The following ZNF831 variants were observed in gnomAD, a reference collection of about 807,000 sequenced individuals.
ZNF831 encodes the protein chromosome 20 open reading frame 174.
Under a neutral mutation model 95.8 loss-of-function variants are expected in ZNF831, and 59 were observed. That is an observed-to-expected ratio of 0.62 (90% CI 0.50 to 0.77). The LOEUF is 0.77. Among genes scored for constraint, ZNF831 ranks in the 30% least tolerant of loss-of-function variants. ZNF831 has a pLI of 0.00. For missense variants in ZNF831, 2,205 were observed against 2,164.0 expected, an observed-to-expected ratio of 1.02 and a Z score of -0.38; for synonymous variants, 961 against 925.5, an observed-to-expected ratio of 1.04 and a Z score of -0.70.
intron 3 of ZNF831, among the ~76,000 whole-genome samples, chr20:59,206,540 T>C (rs1054283583): frequency 6.6e-6 from 1 of 152,236 alleles, no homozygotes; most frequent in Non-Finnish European, 1.5e-5. Context: ...TCAATGCAGA[T>C]TACAGAACAT....
At chr20:59,207,111 A>C in intron 4 of ZNF831, 55 bp downstream of exon 4, 1 of 1,586,570 alleles carries the variant, frequency 6.3e-7, no homozygotes. Context: ...CACCCGCCCA[A>C]GGCATAGACA....
At chr20:59,228,923 AT>A (rs1306486921) in intron 4 of ZNF831, among the ~76,000 whole-genome samples, 1 of 152,102 alleles carries the variant, frequency 6.6e-6, no homozygotes, top group Non-Finnish European at 1.5e-5. Flanking sequence ...TTCTGACTAT[AT>A]TTTTTGTACG....
intron 2 of ZNF831, among the ~76,000 whole-genome samples, chr20:59,150,448 G>A (rs951153957): frequency 8.5e-5 from 13 of 152,144 alleles, no homozygotes; most frequent in Admixed American, 3.3e-4. Flanking sequence ...TAGTATAAGC[G>A]TGTCCCAAAG....
chr20:59,232,994 G>GCGCACACACACACACA (rs1491469214), intron 4 of ZNF831, among the ~76,000 whole-genome samples: 2 of 122,990 alleles, frequency 1.6e-5, no homozygotes, highest in African/African-American at 6.2e-5. Context: ...GGACCCTGAG[G>GCGCACACACACACACA]CACACACACA....
At position 59,191,166 on chromosome 20, in the gene ZNF831, C is replaced by G; in HGVS notation, c.147C>G (p.Ala49=). 9 of 1,602,382 alleles carry G rather than the reference C, an allele frequency of 5.6e-6. No homozygotes were observed. The highest frequency in any genetic ancestry group is 1.1e-5 in the South Asian group (1 of 90,416). ...TTCTGCCGCCAGAGCAGGGCCTGGC[C>G]CCCCCCACTGTGTTCCTGAAGGCCC... is the stretch of plus-strand genomic sequence containing the variant. ...PVLLPPEQGL[A]PPTVFLKALP... is the part of the protein sequence containing the mutation. The change falls in exon 2 of 6, where the codon GCC becomes GCG. Residue 49 remains alanine, a synonymous_variant. Coordinates refer to ENST00000371030, the MANE Select transcript of ZNF831 (RefSeq NM_178457.3).
At chr20:59,223,128 C>G (rs1454845348) in intron 4 of ZNF831, among the ~76,000 whole-genome samples, 1 of 151,954 alleles carries the variant, frequency 6.6e-6, no homozygotes, top group African/African-American at 2.4e-5. Context: ...GGAAGGGGGC[C>G]TTGGAGGAGG....
intron 4 of ZNF831, among the ~76,000 whole-genome samples, chr20:59,231,072 A>G (rs1253086572): frequency 6.6e-6 from 1 of 152,174 alleles, no homozygotes; most frequent in Non-Finnish European, 1.5e-5. Flanking sequence ...CAGCTGAAAG[A>G]AAGAAGAAAA....
At chr20:59,157,394 C>T (rs903969293) in intron 2 of ZNF831, among the ~76,000 whole-genome samples, 3 of 152,162 alleles carry the variant, frequency 2.0e-5, no homozygotes, top group Non-Finnish European at 2.9e-5. Context: ...CTCTTTCCTC[C>T]GGCTGTGGAT....
intron 1 of ZNF831, among the ~76,000 whole-genome samples, chr20:59,167,644 G>T (rs1010106546): frequency 6.6e-6 from 1 of 151,956 alleles, no homozygotes; most frequent in African/African-American, 2.4e-5. Flanking sequence ...TAAGATGTGA[G>T]GTTTAGGTCA....
At chr20:59,202,324 CTT>C (rs546706863) in intron 3 of ZNF831, among the ~76,000 whole-genome samples, 1,481 of 117,916 alleles carry the variant, frequency 0.013, 12 homozygotes, top group African/African-American at 0.026. Flanking sequence ...TATTTTCAAC[CTT>C]TTTTTTTTTT....
intron 2 of ZNF831, among the ~76,000 whole-genome samples, chr20:59,152,184 A>G (rs1038885003): frequency 5.9e-5 from 9 of 152,244 alleles, no homozygotes; most frequent in African/African-American, 2.2e-4. Context: ...AGTAATGAGA[A>G]AAAAAGTACA....
intron 4 of ZNF831, among the ~76,000 whole-genome samples, chr20:59,238,961 G>A (rs2146718534): frequency 6.6e-6 from 1 of 152,270 alleles, no homozygotes; most frequent in Middle Eastern, 3.4e-3. Context: ...CTCTCTATGA[G>A]AGAAATATTG....
chr20:59,234,294 T>C (rs1225424112), intron 4 of ZNF831, among the ~76,000 whole-genome samples: 1 of 152,202 alleles, frequency 6.6e-6, no homozygotes, highest in East Asian at 1.9e-4. Context: ...TTTAGAACAA[T>C]ATCCAGGGCC....
At chr20:59,225,429 A>C (rs545856059) in intron 4 of ZNF831, among the ~76,000 whole-genome samples, 2 of 152,308 alleles carry the variant, frequency 1.3e-5, no homozygotes, top group African/African-American at 4.8e-5. Flanking sequence ...AAATTTGTGG[A>C]GTCACCAAGC....
intron 1 of ZNF831, among the ~76,000 whole-genome samples, chr20:59,179,869 G>A (rs1438853630): frequency 2.0e-5 from 3 of 152,070 alleles, no homozygotes; most frequent in Non-Finnish European, 2.9e-5. Context: ...TGGAGAATAC[G>A]ATTCAACCCA....
rs78688579 is a variant in ZNF831, at chr20:59,224,957, A to AT, written c.4027+17912dup. Among the ~76,000 whole-genome samples the AT allele has an allele frequency of 3.0e-3, 444 of 148,304 alleles. 1 individual carries two copies. The highest frequency in any genetic ancestry group is 7.5e-3 in the African/African-American group (304 of 40,586). On this transcript the variant is annotated intron_variant, in intron 4 of 5. Transcript: ENST00000371030. ...ATTTGTAGGGTTTTTAAATTTTGTG[A>AT]TTTTTTTTTTTCCTTTTTCATTCTG...
intron 1 of ZNF831, among the ~76,000 whole-genome samples, chr20:59,143,521 C>T (rs899411021): frequency 3.9e-5 from 6 of 152,346 alleles, no homozygotes; most frequent in Non-Finnish European, 5.9e-5. Flanking sequence ...TGCCTTCACT[C>T]CAGCCATGGC....
rs759387622 is a variant in ZNF831 at position 59,254,074 on chromosome 20, T to C, written c.4365T>C (p.Asp1455=). The C allele has an allele frequency of 6.2e-7, 1 of 1,614,066 alleles. No individual in the cohort carries two copies. The highest frequency in any genetic ancestry group is 8.5e-7 in the Non-Finnish European group (1 of 1,179,998). ...AGACTCAGCTGCTGGCCTCCCAGGA[T>C]TCAGTCTCAACAGATCCCAAACCAT... ...LLETQLLASQ[D]SVSTDPKPYI... is the part of the protein sequence containing the mutation. The change falls in exon 6 of 6, where the codon GAT becomes GAC. Residue 1455 remains aspartate, a synonymous_variant. Coordinates refer to ENST00000371030, the MANE Select transcript of ZNF831 (RefSeq NM_178457.3). The surrounding 1 kb of genome is among the most constrained non-coding windows in gnomAD (Gnocchi z 4.5).
chr20:59,254,344 G>T lies in ZNF831; in HGVS notation c.4635G>T (p.Gly1545=). ...GCAGAGCACAGACCCTCTTGCCAGG[G>T]AGACCTTCATCTGGACAAAGAATTT... ...EEGRAQTLLP[G]RPSSGQRISD... Residue 1545 remains glycine, a synonymous_variant, in exon 6 of 6, where the codon GGG becomes GGT. Coordinates refer to ENST00000371030, the MANE Select transcript of ZNF831 (RefSeq NM_178457.3). The surrounding 1 kb of genome is among the most constrained non-coding windows in gnomAD (Gnocchi z 4.5). 1 of 1,614,058 alleles carries T rather than the reference G, an allele frequency of 6.2e-7. No homozygotes were observed. The highest frequency in any genetic ancestry group is 1.3e-5 in the African/African-American group (1 of 75,006).
Sources: gnomAD v4.1 joint callset for allele counts (sites outside exome capture counted in the v4.1 genomes callset) on GRCh38, gnomAD v4.1.1 for gene constraint, Gnocchi (gnomAD v3.1) non-coding constraint, MANE v1.5 for transcripts, NCBI Gene and HGNC (gene_info 2026-07-23, HGNC 2026-07-21) for gene names.